Variants in MTFMT observed in about 807,000 individuals in gnomAD.
The protein encoded by MTFMT is mitochondrial methionyl-tRNA formyltransferase, also known as methionyl-tRNA formyltransferase, mitochondrial.
In MTFMT, 47 loss-of-function variants were observed where a neutral mutation model predicts 51.8. That is an observed-to-expected ratio of 0.91 (90% confidence interval 0.72 to 1.16). MTFMT has a LOEUF of 1.16. Ranked by LOEUF, MTFMT falls within the 50% of genes most tolerant of loss-of-function variation. The pLI is 0.00. For missense variants in MTFMT, 512 were observed against 482.3 expected, an observed-to-expected ratio of 1.06 and a Z score of -0.58; for synonymous variants, 196 against 176.7, an observed-to-expected ratio of 1.11 and a Z score of -0.87.
intron 5 of MTFMT, among the ~76,000 whole-genome samples, chr15:65,019,285 G>C (rs1460982585): frequency 6.6e-6 from 1 of 152,176 alleles, no homozygotes; most frequent in East Asian, 1.9e-4. Context: ...TAAGACTGTA[G>C]GGGACAAAAG....
intron 2 of MTFMT, 190 bp downstream of exon 2, chr15:65,026,641 C>T: frequency 5.1e-6 from 3 of 589,720 alleles, no homozygotes; most frequent in Middle Eastern, 4.2e-4. Flanking sequence ...TCTAAAGGCC[C>T]TTCAGTTACC....
intron 6 of MTFMT, among the ~76,000 whole-genome samples, chr15:65,010,901 T>C (rs1451324078): frequency 6.6e-6 from 1 of 152,244 alleles, no homozygotes; most frequent in African/African-American, 2.4e-5. Flanking sequence ...TTTTGAATTA[T>C]AGCCATCCTA....
chr15:65,020,984 T>C (rs1430308132), intron 4 of MTFMT, among the ~76,000 whole-genome samples: 1 of 152,190 alleles, frequency 6.6e-6, no homozygotes, highest in Non-Finnish European at 1.5e-5. Flanking sequence ...AATTAACCCG[T>C]TCATATGGAA....
rs1458321743 is a variant in MTFMT at position 65,021,239 on chromosome 15, GAGA to G, written c.645+272_645+274del. Among the ~76,000 whole-genome samples the G allele has an allele frequency of 3.9e-5, 6 of 152,260 alleles. No individual in the cohort carries two copies. The East Asian group carries it at 5.8e-4, about 15-fold the overall frequency. On this transcript the variant is annotated intron_variant, in intron 4 of 8. Transcript: ENST00000220058. ...ATACCAGAGTGCGGAGAGTGAAATT[GAGA>G]AGAATAGTCTAAGACCTCACTATGG...
At chr15:65,011,315 T>C (rs1386032409) in intron 6 of MTFMT, among the ~76,000 whole-genome samples, 1 of 152,026 alleles carries the variant, frequency 6.6e-6, no homozygotes, top group Non-Finnish European at 1.5e-5. Context: ...AGAGCAAGAC[T>C]CCATCTCAAA....
At chr15:65,025,306 G>A (rs545002050) in intron 2 of MTFMT, among the ~76,000 whole-genome samples, 250 of 151,568 alleles carry the variant, frequency 1.6e-3, no homozygotes, top group African/African-American at 5.5e-3. Context: ...TCAGAAGGCT[G>A]AGGCAGGAAG....
chr15:65,021,402 ACT>A, intron 4 of MTFMT, 110 bp downstream of exon 4: 1 of 736,158 alleles, frequency 1.4e-6, no homozygotes, highest in Non-Finnish European at 2.3e-6. Context: ...GATAGAAATT[ACT>A]CTTTTTTGTT....
chr15:65,007,621 C>T (rs2086229465), intron 6 of MTFMT, among the ~76,000 whole-genome samples: 1 of 152,158 alleles, frequency 6.6e-6, no homozygotes, highest in South Asian at 2.1e-4. Flanking sequence ...ACAGCATCAA[C>T]ATTTTATTGC....
chr15:65,006,583 A>G (rs997954971), intron 6 of MTFMT, among the ~76,000 whole-genome samples: 12 of 152,154 alleles, frequency 7.9e-5, no homozygotes, highest in Admixed American at 3.3e-4. Flanking sequence ...TCACCATGTT[A>G]GCCACGATGG....
At chr15:65,020,146 G>C in intron 5 of MTFMT, 51 bp downstream of exon 5, 5 of 1,521,020 alleles carry the variant, frequency 3.3e-6, no homozygotes, top group Non-Finnish European at 4.5e-6. Context: ...AGATGCTATC[G>C]TGACAAGCAG....
intron 8 of MTFMT, among the ~76,000 whole-genome samples, chr15:65,003,717 G>A (rs995931238): frequency 7.2e-5 from 11 of 151,732 alleles, no homozygotes; most frequent in African/African-American, 1.9e-4. Flanking sequence ...TTAGCCAGGC[G>A]TGGTGGCGGG....
intron 1 of MTFMT, among the ~76,000 whole-genome samples, 156 bp from the exon 2 acceptor site, chr15:65,027,196 CTTT>C (rs2086432993): frequency 6.6e-6 from 1 of 150,946 alleles, no homozygotes; most frequent in Non-Finnish European, 1.5e-5. Context: ...TTCATTTTTT[CTTT>C]TTCTTTTTTT....
At chr15:65,016,364 A>G in intron 6 of MTFMT, 72 bp downstream of exon 6, 1 of 845,716 alleles carries the variant, frequency 1.2e-6, no homozygotes, top group Non-Finnish European at 1.9e-6. Flanking sequence ...TCCTAAATAA[A>G]AATATTTAGA....
intron 2 of MTFMT, 60 bp from the exon 3 acceptor site, chr15:65,023,854 C>G (rs1394048650): frequency 9.8e-6 from 14 of 1,428,488 alleles, no homozygotes; most frequent in Non-Finnish European, 1.2e-5. Flanking sequence ...GTTACCACTA[C>G]CTAAGCTATT....
chr15:65,023,501 A>G (rs191483821), intron 3 of MTFMT, among the ~76,000 whole-genome samples, 171 bp downstream of exon 3: 7 of 151,080 alleles, frequency 4.6e-5, no homozygotes, highest in Non-Finnish European at 8.9e-5. Context: ...ACCAAAAGAC[A>G]TATGGTTTAT....
At chr15:65,025,087 G>A (rs1042114455) in intron 2 of MTFMT, among the ~76,000 whole-genome samples, 3 of 152,084 alleles carry the variant, frequency 2.0e-5, no homozygotes, top group African/African-American at 7.2e-5. Flanking sequence ...GACATGATCT[G>A]ACTTGTTTTA....
At chr15:65,004,628 A>G (rs1480242788) in intron 8 of MTFMT, among the ~76,000 whole-genome samples, 1 of 152,200 alleles carries the variant, frequency 6.6e-6, no homozygotes, top group African/African-American at 2.4e-5. Context: ...GAAAGCACTC[A>G]AGTTACTGAA....
intron 6 of MTFMT, 31 bp downstream of exon 6, chr15:65,016,405 G>T (rs771919498): frequency 3.6e-5 from 50 of 1,380,082 alleles, no homozygotes; most frequent in African/African-American, 7.2e-5. Flanking sequence ...AAACCAACTA[G>T]GTAGAACTGC....
At position 65,026,852 on chromosome 15, in the gene MTFMT, G is replaced by A. The variant is rs1159804661; in HGVS notation, c.398C>T (p.Ala133Val). The A allele has an allele frequency of 1.2e-6, 2 of 1,613,678 alleles. No homozygotes were observed. Among genetic ancestry groups the A allele is most frequent in the Admixed American group, 3.3e-5 (2 of 59,996 alleles). ...TTACTAGGGAAATTTAAGAATAAGA[G>A]CCTCATTCAAAAGTCGGCCAAACGA... ...VASFGRLLNE[A>V]LILKFPYGIL... The change falls in exon 2 of 9, where the codon GCT (alanine) becomes GTT (valine). Residue 133 changes from alanine (A) to valine (V), a missense_variant. Coordinates refer to ENST00000220058, the MANE Select transcript of MTFMT (RefSeq NM_139242.4).
Sources: gnomAD v4.1 joint callset for allele counts (sites outside exome capture counted in the v4.1 genomes callset) on GRCh38, gnomAD v4.1.1 for gene constraint, MANE v1.5 for transcripts, NCBI Gene and HGNC (gene_info 2026-07-23, HGNC 2026-07-21) for gene names.